Variants in DAPK3 observed in about 807,000 individuals in gnomAD.
DAPK3 encodes death-associated protein kinase 3.
Under a neutral mutation model 30.6 loss-of-function variants are expected in DAPK3, and 24 were observed. That is an observed-to-expected ratio of 0.78 (90% confidence interval 0.57 to 1.10). The LOEUF (loss-of-function observed/expected upper bound fraction) is 1.10, where lower values mean the gene tolerates loss of function less well. Among genes scored for constraint, DAPK3 ranks in the 50% least tolerant of loss-of-function variants. DAPK3 has a pLI of 0.00. For missense variants in DAPK3, 629 were observed against 657.3 expected, an observed-to-expected ratio of 0.96 and a Z score of 0.47; for synonymous variants, 341 against 284.0, an observed-to-expected ratio of 1.20 and a Z score of -2.02.
rs556834354 is a variant in DAPK3, at chr19:3,964,757, C to T, written c.297G>A (p.Gly99=). The part of the protein sequence containing the change: ...VVLILELVSG[G]ELFDFLAEKE... ...TCTCCGCCAGGAAGTCAAAGAGCTCCCCGCCAGAGACCAGCTCCAGGATGA... is the reference window on the plus strand; with the variant it reads ...TCTCCGCCAGGAAGTCAAAGAGCTCTCCGCCAGAGACCAGCTCCAGGATGA... The change falls in exon 3 of 9, where the codon GGG becomes GGA. Residue 99 remains glycine (G), a synonymous_variant. Coordinates refer to ENST00000545797, the MANE Select transcript of DAPK3 (RefSeq NM_001348.3). 3 of 1,612,620 alleles carry T rather than the reference C, an allele frequency of 1.9e-6. No homozygotes were observed. In the South Asian group the frequency reaches 3.3e-5, roughly 18 times the overall value.
chr19:3,959,155 G>C lies in DAPK3; in HGVS notation c.1311C>G (p.Leu437=). 1.3e-6 allele frequency: 2 copies of C among 1,588,902 alleles called. No individual in the cohort carries two copies. The highest frequency in any genetic ancestry group is 1.7e-6 in the Non-Finnish European group (2 of 1,172,172). The change falls in exon 9 of 9, where the codon CTC becomes CTG. Residue 437 remains leucine (L), a synonymous_variant. Transcript: ENST00000545797. ...VASEMRFVQD[L]VRALEQEKLQ... ...GCTTCTCCTGCTCCAGGGCGCGCACGAGGTCCTGCACGAAGCGCATCTCGG... is the reference window on the plus strand; with the variant it reads ...GCTTCTCCTGCTCCAGGGCGCGCACCAGGTCCTGCACGAAGCGCATCTCGG...
In DAPK3 at chr19:3,959,416, G is replaced by A; in HGVS notation, c.1050C>T (p.His350=). The A allele has an allele frequency of 6.4e-7, 1 of 1,559,248 alleles. No homozygotes were observed. The highest frequency in any genetic ancestry group is 2.3e-5 in the East Asian group (1 of 42,832). The change falls in exon 9 of 9, where the codon CAC becomes CAT. Residue 350 remains histidine (H), a synonymous_variant. Transcript: ENST00000545797. ...RELQRSRRLC[H]EDVEALAAIY... ...TGGCGGCCAGCGCCTCCACGTCCTC[G>A]TGGCAGAGCCGCCGGCTGCGCTGCA...
chr19:3,959,244 C>A lies in DAPK3; in HGVS notation c.1222G>T (p.Gly408Cys), dbSNP rs2039475186. The A allele has an allele frequency of 6.3e-7, 1 of 1,599,996 alleles. No homozygotes were observed. Among genetic ancestry groups the A allele is most frequent in the East Asian group, 2.2e-5 (1 of 44,786 alleles). The change falls in exon 9 of 9, where the codon GGC becomes TGC. Residue 408 changes from glycine (G) to cysteine (C), a missense_variant. Coordinates refer to ENST00000545797, the MANE Select transcript of DAPK3 (RefSeq NM_001348.3). ...EAKGALLGTS[G>C]LKRRFSRLEN... ...AGGCGGCTGAAGCGGCGCTTGAGGC[C>A]GCTGGTCCCCAGCAGCGCGCCCTTG...
chr19:3,964,626 C>T lies in DAPK3; in HGVS notation c.423+5G>A, dbSNP rs1415050617. The T allele has an allele frequency of 6.9e-7, 1 of 1,440,050 alleles. No homozygotes were observed. The highest frequency in any genetic ancestry group is 1.5e-5 in the African/African-American group (1 of 68,140). 89.2% of individuals were successfully genotyped at this position (1,440,050 alleles called of 1,614,324 possible). A position where few individuals can be genotyped will look rare whatever the true frequency, so the allele number is the denominator to read the frequency against. ...GCCGGCCCCACAGGGCCCTACAGGG[C>T]TCACCTTCAGGTCAAAGTGTGCGAT... On this transcript the variant is annotated splice_donor_5th_base_variant and intron_variant, in intron 3 of 8. Coordinates refer to ENST00000545797, the MANE Select transcript of DAPK3 (RefSeq NM_001348.3).
At chr19:3,960,727 C>G (rs368511725) in intron 7 of DAPK3, among the ~76,000 whole-genome samples, 1 of 140,896 alleles carries the variant, frequency 7.1e-6, no homozygotes, top group Admixed American at 8.0e-5. Context: ...TGCAGTGAGC[C>G]GAGATCACGC....
chr19:3,959,330 C>G lies in DAPK3; in HGVS notation c.1136G>C (p.Arg379Pro), dbSNP rs199762113. 260 of 1,591,532 alleles carry G rather than the reference C, an allele frequency of 1.6e-4. 1 individual carries two copies. The highest frequency in any genetic ancestry group is 2.0e-4 in the Non-Finnish European group (238 of 1,176,098). Reference sequence around the variant, plus strand: ...CTTGAGCAGCTCCTGCCGTAGCCTCCGCAGGTCCTGGCCCAGGCTGTCGCT... The same window carrying G: ...CTTGAGCAGCTCCTGCCGTAGCCTCGGCAGGTCCTGGCCCAGGCTGTCGCT... ...EESDSLGQDL[R>P]RLRQELLKTE... The change falls in exon 9 of 9, where the codon CGG becomes CCG. Residue 379 changes from arginine (R) to proline (P), a missense_variant. Coordinates refer to ENST00000545797, the MANE Select transcript of DAPK3 (RefSeq NM_001348.3).
In DAPK3 at chr19:3,963,939, G is replaced by A; in HGVS notation, c.554-20C>T. 1.3e-6 allele frequency: 2 copies of A among 1,563,896 alleles called. No homozygotes were observed. The highest frequency in any genetic ancestry group is 2.7e-5 in the African/African-American group (2 of 74,014). On this transcript the variant is annotated intron_variant, in intron 4 of 8. Coordinates refer to ENST00000545797, the MANE Select transcript of DAPK3 (RefSeq NM_001348.3). ...CTGGGGCTGCAGAACAGGGAGATGT[G>A]GGTCAGGCACTGGGGACATGCTGGC... is the stretch of plus-strand genomic sequence containing the variant.
At chr19:3,959,779 C>A in intron 8 of DAPK3, 142 bp from the exon 9 acceptor site, 3 of 1,012,528 alleles carry the variant, frequency 3.0e-6, no homozygotes, top group Non-Finnish European at 2.8e-6. Context: ...CAGCCCGACG[C>A]AAAGCCGAGA....
rs754606988 is a variant in DAPK3 at position 3,964,689 on chromosome 19, T to C, written c.365A>G (p.Gln122Arg). ...TEDEATQFLKQILDGVHYLHS... is the reference protein window; with the variant it reads ...TEDEATQFLKRILDGVHYLHS... ...CAGGTAGTGAACGCCGTCCAGGATC[T>C]GCTTGAGGAACTGGGTGGCCTCGTC... is the stretch of plus-strand genomic sequence containing the variant. The change falls in exon 3 of 9, where the codon CAG becomes CGG. Residue 122 changes from glutamine to arginine, a missense_variant. This residue lies in a region of DAPK3 where 306 missense variants were observed against 378.5 expected (regional missense o/e 0.81). Coordinates refer to ENST00000545797, the MANE Select transcript of DAPK3 (RefSeq NM_001348.3). 1.2e-6 allele frequency: 2 copies of C among 1,611,402 alleles called. No homozygotes were observed. The highest frequency in any genetic ancestry group is 2.2e-5 in the East Asian group (1 of 44,676).
chr19:3,970,441 C>T (rs2039622020), intron 1 of DAPK3, among the ~76,000 whole-genome samples: 1 of 152,036 alleles, frequency 6.6e-6, no homozygotes, highest in Non-Finnish European at 1.5e-5. Flanking sequence ...CCTCCTGGTC[C>T]TTGCCCTCGG....
intron 6 of DAPK3, chr19:3,961,634 C>G: frequency 2.4e-6 from 1 of 412,290 alleles, no homozygotes; most frequent in East Asian, 7.3e-5. Flanking sequence ...GAAGCCCCGT[C>G]TGATCGTCTG....
intron 4 of DAPK3, 94 bp downstream of exon 4, chr19:3,964,150 G>T (rs754216998): frequency 2.1e-5 from 25 of 1,174,316 alleles, no homozygotes; most frequent in Non-Finnish European, 3.0e-5. Flanking sequence ...CCGAGGACGC[G>T]GCACCCAGCA....
At chr19:3,959,738 G>A (rs1459848725) in intron 8 of DAPK3, 101 bp from the exon 9 acceptor site, 2 of 1,332,444 alleles carry the variant, frequency 1.5e-6, no homozygotes, top group East Asian at 2.5e-5. Context: ...TCATCCGGCA[G>A]CAGAGTCAAC....
chr19:3,958,745 G>A lies in DAPK3; in HGVS notation c.*356C>T, dbSNP rs1325254078. The stretch of plus-strand genomic sequence containing the variant: ...CGCCGAATTGTCCGTGCAACTACCC[G>A]CAAACCCTCCTCCGGGCCTGAACCA... On this transcript the variant is annotated 3_prime_UTR_variant, in exon 9 of 9. Coordinates refer to ENST00000545797, the MANE Select transcript of DAPK3 (RefSeq NM_001348.3). The A allele has an allele frequency of 5.4e-6, 2 of 371,736 alleles. No individual in the cohort carries two copies. Among genetic ancestry groups the A allele is most frequent in the Admixed American group, 3.8e-5 (1 of 26,436 alleles). 23.0% of individuals were successfully genotyped at this position (371,736 alleles called of 1,614,324 possible).
chr19:3,969,661 G>T lies in DAPK3; in HGVS notation c.62+13C>A. The T allele has an allele frequency of 1.9e-6, 3 of 1,580,186 alleles. No homozygotes were observed. The highest frequency in any genetic ancestry group is 2.6e-6 in the Non-Finnish European group (3 of 1,150,434). On this transcript the variant is annotated intron_variant, in intron 2 of 8. Coordinates refer to ENST00000545797, the MANE Select transcript of DAPK3 (RefSeq NM_001348.3). The stretch of plus-strand genomic sequence containing the variant: ...CTATCCCTGGAGCCCAGCCGTGCGG[G>T]CAGACAGCTCACCTGCCCAGCTCCT...
At chr19:3,963,761 G>A (rs563134934) in intron 5 of DAPK3, 92 bp from the exon 6 acceptor site, 293 of 1,263,822 alleles carry the variant, frequency 2.3e-4, no homozygotes, top group East Asian at 3.3e-4. Context: ...CTAGGGCAAC[G>A]GTCCCCCCAT....
At chr19:3,961,226 G>T in intron 6 of DAPK3, 65 bp from the exon 7 acceptor site, 1 of 1,359,186 alleles carries the variant, frequency 7.4e-7, no homozygotes, top group Non-Finnish European at 1.0e-6. Flanking sequence ...CCGCCTCTCC[G>T]GCTGCCCACG....
At position 3,961,089 on chromosome 19, in the gene DAPK3, G is replaced by C; in HGVS notation, c.702C>G (p.Tyr234Ter). The C allele has an allele frequency of 6.2e-7, 1 of 1,613,724 alleles. No individual in the cohort carries two copies. The highest frequency in any genetic ancestry group is 8.5e-7 in the Non-Finnish European group (1 of 1,179,892). ...TGCTGAAGTACTCCTCGTCGAAGTC[G>C]TAGTTCACGGCTGAGATGTTGGTGA... is the stretch of plus-strand genomic sequence containing the variant. Reference protein sequence around the residue: ...ETLTNISAVNYDFDEEYFSNT... With the variant: ...ETLTNISAVN Residue 234 changes from tyrosine (Y) to a stop codon, truncating the protein, a stop_gained, in exon 7 of 9, where the codon TAC becomes TAG. Coordinates refer to ENST00000545797, the MANE Select transcript of DAPK3 (RefSeq NM_001348.3). LOFTEE classifies it high-confidence loss of function.
intron 7 of DAPK3, 143 bp downstream of exon 7, chr19:3,960,866 C>A: frequency 8.8e-5 from 48 of 545,380 alleles, no homozygotes; most frequent in Non-Finnish European, 1.1e-4. Context: ...TATCAGTTTA[C>A]TCTCTCCAGC....
Sources: allele counts gnomAD v4.1 joint callset (sites outside exome capture counted in the v4.1 genomes callset), GRCh38; gene constraint gnomAD v4.1.1; regional missense constraint gnomAD v4.1.1; transcripts MANE v1.5; gene names NCBI Gene and HGNC (gene_info 2026-07-23, HGNC 2026-07-21).